SNTG2: variants seen among roughly 807,000 people sequenced by gnomAD.
The protein encoded by SNTG2 is gamma-2-syntrophin.
Under a neutral mutation model 70.9 loss-of-function variants are expected in SNTG2, and 74 were observed. That is an observed-to-expected ratio of 1.04 (90% CI 0.86 to 1.27). The LOEUF is 1.27. SNTG2 is among the 50% of genes most tolerant of loss of function. The pLI is 0.00. For synonymous variants in SNTG2, 278 were observed against 273.8 expected, an observed-to-expected ratio of 1.02 and a Z score of -0.15; for missense variants, 717 against 690.7, an observed-to-expected ratio of 1.04 and a Z score of -0.43.
intron 2 of SNTG2, among the ~76,000 whole-genome samples, chr2:1,092,791 A>C (rs1665117642): frequency 6.6e-6 from 1 of 152,240 alleles, no homozygotes; most frequent in Non-Finnish European, 1.5e-5. Flanking sequence ...CGTTCTTAAA[A>C]TATGTGGTCA....
intron 1 of SNTG2, among the ~76,000 whole-genome samples, chr2:996,480 C>G (rs1333800799): frequency 6.6e-6 from 1 of 151,990 alleles, no homozygotes; most frequent in Non-Finnish European, 1.5e-5. Flanking sequence ...CTTGTGACTT[C>G]ATCTAAATCA....
intron 8 of SNTG2, among the ~76,000 whole-genome samples, chr2:1,207,609 G>A (rs1673721622): frequency 6.6e-6 from 1 of 152,034 alleles, no homozygotes; most frequent in Non-Finnish European, 1.5e-5. Flanking sequence ...TTATATATTA[G>A]CACAGACGAA....
intron 8 of SNTG2, among the ~76,000 whole-genome samples, chr2:1,203,674 ATATAT>A (rs376494982): frequency 0.11 from 13,306 of 119,394 alleles, 868 homozygotes; most frequent in African/African-American, 0.23. Flanking sequence ...AAAAAAAAAA[ATATAT>A]ATATATATAT....
chr2:1,304,837 A>C (rs1466291190), intron 14 of SNTG2, among the ~76,000 whole-genome samples: 1 of 151,870 alleles, frequency 6.6e-6, no homozygotes, highest in Non-Finnish European at 1.5e-5. Flanking sequence ...GTTTCTGTAA[A>C]TATTGATTGC....
intron 6 of SNTG2, among the ~76,000 whole-genome samples, chr2:1,157,427 C>A (rs541192127): frequency 1.3e-5 from 2 of 152,322 alleles, no homozygotes; most frequent in East Asian, 3.9e-4. Context: ...AAAAGCCCCC[C>A]AGACACTCAC....
chr2:959,724 G>C (rs905380883), intron 1 of SNTG2, among the ~76,000 whole-genome samples: 1 of 150,330 alleles, frequency 6.7e-6, no homozygotes, highest in African/African-American at 2.5e-5. Flanking sequence ...CTGCATCTCG[G>C]GTGCCGCTGT....
intron 8 of SNTG2, among the ~76,000 whole-genome samples, chr2:1,180,311 C>A (rs1201167068): frequency 7.4e-6 from 1 of 135,870 alleles, no homozygotes; most frequent in Admixed American, 8.1e-5. Flanking sequence ...TTTTTGCAAC[C>A]TACTCATCTG....
intron 1 of SNTG2, among the ~76,000 whole-genome samples, chr2:958,692 T>C (rs985548015): frequency 3.0e-5 from 3 of 98,822 alleles, no homozygotes; most frequent in Admixed American, 2.7e-4. Flanking sequence ...ATAAATGGTC[T>C]TTTTTTTTAA....
intron 1 of SNTG2, among the ~76,000 whole-genome samples, chr2:1,072,575 C>T (rs1663649804): frequency 6.6e-6 from 1 of 152,124 alleles, no homozygotes; most frequent in Non-Finnish European, 1.5e-5. Flanking sequence ...TATACATGGT[C>T]ACCCAAGAGC....
At chr2:1,247,536 C>A in intron 12 of SNTG2, 93 bp downstream of exon 12, 1 of 859,798 alleles carries the variant, frequency 1.2e-6, no homozygotes, top group Non-Finnish European at 1.9e-6. Flanking sequence ...TGGAGGAGGA[C>A]AGACAGAGTG....
intron 9 of SNTG2, among the ~76,000 whole-genome samples, chr2:1,212,053 A>G (rs1674081609): frequency 1.3e-5 from 2 of 152,176 alleles, no homozygotes; most frequent in Admixed American, 1.3e-4. Flanking sequence ...CTGTTACAAA[A>G]GCTATCACAC....
chr2:1,340,102 C>G (rs915963430), intron 16 of SNTG2, among the ~76,000 whole-genome samples: 3 of 152,204 alleles, frequency 2.0e-5, no homozygotes, highest in African/African-American at 7.2e-5. Flanking sequence ...TCTGTATGTT[C>G]CCAAGGTCTT....
intron 1 of SNTG2, among the ~76,000 whole-genome samples, chr2:1,072,279 G>A (rs935180538): frequency 1.3e-5 from 2 of 150,212 alleles, no homozygotes; most frequent in African/African-American, 4.9e-5. Flanking sequence ...CTTATTCTGG[G>A]CTAATGGAGT....
At chr2:1,198,599 A>G (rs1673075004) in intron 8 of SNTG2, among the ~76,000 whole-genome samples, 1 of 152,162 alleles carries the variant, frequency 6.6e-6, no homozygotes, top group Admixed American at 6.5e-5. Context: ...AGACTAAAAA[A>G]GCACAAAGAT....
intron 16 of SNTG2, among the ~76,000 whole-genome samples, chr2:1,323,256 G>T (rs1275577163): frequency 6.6e-6 from 1 of 152,242 alleles, no homozygotes; most frequent in African/African-American, 2.4e-5. Context: ...CTTCTGGTCA[G>T]CTTGGAGCTC....
rs572922902 is a variant in SNTG2 at position 1,191,772 on chromosome 2, C to T, written c.592-17331C>T. On this transcript the variant is annotated intron_variant, in intron 8 of 16. Coordinates refer to ENST00000308624, the MANE Select transcript of SNTG2 (RefSeq NM_018968.4). ...ATCGTGCCACTGCACTCCAGCCTGG[C>T]GACAGAGCGAGACTCTGTCTCAAAA... 8.5e-5 allele frequency among the ~76,000 whole-genome samples: 13 copies of T among 152,176 alleles called. No individual in the cohort carries two copies. The South Asian group carries it at 2.3e-3, about 27-fold the overall frequency.
At chr2:1,202,635 G>A (rs1673347970) in intron 8 of SNTG2, among the ~76,000 whole-genome samples, 1 of 151,956 alleles carries the variant, frequency 6.6e-6, no homozygotes, top group African/African-American at 2.4e-5. Flanking sequence ...TTGTCAGACT[G>A]GATTTTTAAA....
chr2:1,316,548 C>T (rs1160595811), intron 16 of SNTG2, among the ~76,000 whole-genome samples, 173 bp downstream of exon 16: 6 of 38,432 alleles, frequency 1.6e-4, no homozygotes, highest in Non-Finnish European at 3.3e-4. Flanking sequence ...AAGAGCCTGT[C>T]GAGGTCAAAT....
At chr2:1,117,764 C>T (rs143342319) in intron 4 of SNTG2, among the ~76,000 whole-genome samples, 5 of 152,346 alleles carry the variant, frequency 3.3e-5, no homozygotes, top group Admixed American at 6.5e-5. Flanking sequence ...CCCCAGGCTG[C>T]GCTGGCATCT....
Sources: allele counts gnomAD v4.1 joint callset (sites outside exome capture counted in the v4.1 genomes callset), GRCh38; gene constraint gnomAD v4.1.1; transcripts MANE v1.5; gene names NCBI Gene and HGNC (gene_info 2026-07-23, HGNC 2026-07-21).